The following ROBO2 variants were observed in gnomAD, a reference collection of about 807,000 sequenced individuals.
ROBO2 encodes the protein roundabout guidance receptor 2.
Under a neutral mutation model 160.8 loss-of-function variants are expected in ROBO2, and 53 were observed. The ratio of observed to expected loss-of-function variants is 0.33; its 90% CI spans 0.26 to 0.41. The LOEUF (loss-of-function observed/expected upper bound fraction) is 0.41, where lower values mean the gene tolerates loss of function less well. Among genes scored for constraint, ROBO2 ranks in the 10% least tolerant of loss-of-function variants. The pLI, the probability that ROBO2 is intolerant of heterozygous loss-of-function variation, is 1.00. For missense variants in ROBO2, 1,577 were observed against 1,722.4 expected, an observed-to-expected ratio of 0.92 and a Z score of 1.49; for synonymous variants, 664 against 611.7, an observed-to-expected ratio of 1.09 and a Z score of -1.26.
At chr3:76,416,651 A>C (rs1334369442) in intron 2 of ROBO2, among the ~76,000 whole-genome samples, 1 of 152,168 alleles carries the variant, frequency 6.6e-6, no homozygotes, top group Non-Finnish European at 1.5e-5. Flanking sequence ...AAGTATTTTA[A>C]TGTACCGATT....
intron 2 of ROBO2, among the ~76,000 whole-genome samples, chr3:77,365,295 G>A (rs1236075529): frequency 1.3e-5 from 2 of 152,090 alleles, no homozygotes; most frequent in African/African-American, 2.4e-5. Flanking sequence ...ACTGAAGGAG[G>A]GTTTATGGCA....
At chr3:76,746,975 C>T (rs1019514991) in intron 2 of ROBO2, among the ~76,000 whole-genome samples, 2 of 152,034 alleles carry the variant, frequency 1.3e-5, no homozygotes, top group South Asian at 2.1e-4. Context: ...CTGCAAACAA[C>T]GTGATCTTGT....
At chr3:76,663,940 A>G (rs563318553) in intron 2 of ROBO2, among the ~76,000 whole-genome samples, 1 of 152,126 alleles carries the variant, frequency 6.6e-6, no homozygotes, top group East Asian at 1.9e-4. Context: ...TAGCTGAGAC[A>G]GGCCTAGAAC....
chr3:77,275,663 T>C (rs2059778409), intron 2 of ROBO2, among the ~76,000 whole-genome samples: 1 of 152,194 alleles, frequency 6.6e-6, no homozygotes, highest in Non-Finnish European at 1.5e-5. Flanking sequence ...ATAAAATCTT[T>C]TTCTCCTCAT....
At position 76,918,317 on chromosome 3, in the gene ROBO2, C is replaced by T. The variant is rs143940760; in HGVS notation, c.110-179697C>T. 4.3e-4 allele frequency among the ~76,000 whole-genome samples: 66 copies of T among 152,226 alleles called. 1 individual carries two copies. The highest frequency in any genetic ancestry group is 1.5e-3 in the African/African-American group (63 of 41,520). ...GCCTCTGGCATTTCCCCTCTTTGCACTTATTCTCTCTCCTGTGACCCTGTG... is the reference window on the plus strand; with the variant it reads ...GCCTCTGGCATTTCCCCTCTTTGCATTTATTCTCTCTCCTGTGACCCTGTG... On this transcript the variant is annotated intron_variant, in intron 2 of 26. Coordinates refer to the ROBO2 transcript ENST00000487694.
chr3:77,224,687 T>C (rs1030257986), intron 2 of ROBO2, among the ~76,000 whole-genome samples: 20 of 151,920 alleles, frequency 1.3e-4, no homozygotes, highest in African/African-American at 4.6e-4. Context: ...ATTTTAGAAC[T>C]AAACTCCTCA....
intron 2 of ROBO2, among the ~76,000 whole-genome samples, chr3:76,487,696 T>C (rs535062271): frequency 2.0e-5 from 3 of 152,306 alleles, no homozygotes; most frequent in Admixed American, 1.3e-4. Flanking sequence ...GCTGCAGCGA[T>C]AGACTCATCA....
chr3:76,763,117 A>G (rs991993596), intron 2 of ROBO2, among the ~76,000 whole-genome samples: 22 of 151,686 alleles, frequency 1.5e-4, no homozygotes, highest in African/African-American at 5.3e-4. Flanking sequence ...TCTTCCTTAG[A>G]AGACAATTGA....
In ROBO2 at chr3:77,226,017, C is replaced by T. The variant is rs529137992; in HGVS notation, c.388+127677C>T. ...TATGATATTACACATCGGTATTTTC[C>T]CTATAGTCTGGAACATTACTGGAAT... On this transcript the variant is annotated intron_variant, in intron 2 of 25. Transcript: ENST00000461745. Among the ~76,000 whole-genome samples the T allele has an allele frequency of 4.6e-5, 7 of 151,910 alleles. No homozygotes were observed. In the South Asian group the frequency reaches 1.5e-3, roughly 32 times the overall value.
chr3:76,866,075 G>GA (rs1193608063), intron 2 of ROBO2, among the ~76,000 whole-genome samples: 3 of 152,016 alleles, frequency 2.0e-5, no homozygotes, highest in Non-Finnish European at 2.9e-5. Flanking sequence ...AAACTGCCTT[G>GA]AGGGTGCATG....
chr3:76,138,681 C>G (rs1375320108), intron 2 of ROBO2, among the ~76,000 whole-genome samples: 1 of 152,012 alleles, frequency 6.6e-6, no homozygotes, highest in African/African-American at 2.4e-5. Context: ...TATATAGTAT[C>G]TACTACTTGT....
At chr3:77,494,039 C>T (rs999386403) in intron 5 of ROBO2, among the ~76,000 whole-genome samples, 2 of 152,148 alleles carry the variant, frequency 1.3e-5, no homozygotes, top group African/African-American at 4.8e-5. Context: ...TGCTTTTCAT[C>T]ATATATAAAA....
chr3:76,120,968 A>C lies in ROBO2; in HGVS notation c.109+183366A>C, dbSNP rs572395241. On this transcript the variant is annotated intron_variant, in intron 2 of 26. Transcript: ENST00000487694. ...TATCTACTAGATTGATAGCCACATAATAAATAATTAAAATTTTTTTGAGGA... is the reference window on the plus strand; with the variant it reads ...TATCTACTAGATTGATAGCCACATACTAAATAATTAAAATTTTTTTGAGGA... Among the ~76,000 whole-genome samples the C allele has an allele frequency of 2.0e-5, 3 of 152,332 alleles. No homozygotes were observed. The South Asian group carries it at 6.2e-4, about 32-fold the overall frequency.
At chr3:76,217,263 C>G (rs1703607961) in intron 2 of ROBO2, among the ~76,000 whole-genome samples, 1 of 151,976 alleles carries the variant, frequency 6.6e-6, no homozygotes, top group Admixed American at 6.5e-5. Flanking sequence ...ACTAGAAAAG[C>G]AAGAGCAAAC....
chr3:76,258,077 G>GT (rs930002146), intron 2 of ROBO2, among the ~76,000 whole-genome samples: 19 of 151,342 alleles, frequency 1.3e-4, no homozygotes, highest in Admixed American at 1.3e-4. Context: ...CACCCTTTTA[G>GT]TTTTTTTTAT....
At chr3:77,011,059 T>TTCTTTCTTTC (rs1310205630) in intron 2 of ROBO2, among the ~76,000 whole-genome samples, 1 of 123,066 alleles carries the variant, frequency 8.1e-6, no homozygotes, top group Non-Finnish European at 1.7e-5. Context: ...TCTTTCTTCT[T>TTCTTTCTTTC]TCTTTCTTTC....
At chr3:77,537,560 C>A (rs2092203326) in intron 6 of ROBO2, among the ~76,000 whole-genome samples, 1 of 151,986 alleles carries the variant, frequency 6.6e-6, no homozygotes, top group Non-Finnish European at 1.5e-5. Context: ...AGCAATATAT[C>A]ATTTAGTGCT....
intron 2 of ROBO2, among the ~76,000 whole-genome samples, chr3:76,375,809 G>A (rs3907673): frequency 0.063 from 9,591 of 152,080 alleles, 843 homozygotes; most frequent in African/African-American, 0.2. Flanking sequence ...TGTTTTGGGG[G>A]AAGATAAGAG....
At chr3:77,480,220 G>A (rs2084516418) in intron 3 of ROBO2, among the ~76,000 whole-genome samples, 1 of 151,772 alleles carries the variant, frequency 6.6e-6, no homozygotes, top group Admixed American at 6.6e-5. Flanking sequence ...AAAAAATAAT[G>A]GAGAAAACCA....
Sources: allele counts gnomAD v4.1 joint callset (sites outside exome capture counted in the v4.1 genomes callset), GRCh38; gene constraint gnomAD v4.1.1; transcripts MANE v1.5; gene names NCBI Gene and HGNC (gene_info 2026-07-23, HGNC 2026-07-21).